SPOCK1: variants seen among roughly 807,000 people sequenced by gnomAD.
SPOCK1 encodes the protein SPARC (osteonectin), cwcv and kazal like domains proteoglycan 1, also known as testican-1.
Under a neutral mutation model 55.3 loss-of-function variants are expected in SPOCK1, and 23 were observed. That is an observed-to-expected ratio of 0.42 (90% confidence interval 0.30 to 0.59). The LOEUF (loss-of-function observed/expected upper bound fraction) is 0.59. SPOCK1 is among the 20% of genes least tolerant of loss of function. SPOCK1 has a pLI of 0.22. For synonymous variants in SPOCK1, 226 were observed against 221.0 expected, an observed-to-expected ratio of 1.02 and a Z score of -0.20; for missense variants, 499 against 552.5, an observed-to-expected ratio of 0.90 and a Z score of 0.97.
chr5:137,091,794 T>C (rs1753058733), intron 5 of SPOCK1, among the ~76,000 whole-genome samples: 1 of 152,164 alleles, frequency 6.6e-6, no homozygotes, highest in Non-Finnish European at 1.5e-5. Context: ...GGATGGTGAA[T>C]TGAAGTTTAT....
intron 9 of SPOCK1, among the ~76,000 whole-genome samples, chr5:136,983,994 A>C (rs1256521321): frequency 6.6e-6 from 1 of 152,250 alleles, no homozygotes; most frequent in Non-Finnish European, 1.5e-5. Context: ...CCTGCAGATC[A>C]TAGGTACGTC....
At chr5:137,416,986 A>G (rs946328872) in intron 2 of SPOCK1, among the ~76,000 whole-genome samples, 4 of 152,184 alleles carry the variant, frequency 2.6e-5, no homozygotes, top group Non-Finnish European at 5.9e-5. Flanking sequence ...TTGTCCTCTC[A>G]TTGTGAAGTT....
In SPOCK1 at chr5:137,127,408, C is replaced by T. The variant is rs1218312759; in HGVS notation, c.347+13172G>A. Among the ~76,000 whole-genome samples, 3 of 152,220 alleles carry T rather than the reference C, an allele frequency of 2.0e-5. No individual in the cohort carries two copies. In the South Asian group the frequency reaches 6.2e-4, roughly 32 times the overall value. ...AAGAACCAGAGACACTGTAGGGGGA[C>T]AGGGCTGCCTGGAGCCATCAGGGGC... On this transcript the variant is annotated intron_variant, in intron 4 of 10. Transcript: ENST00000394945.
At chr5:137,463,651 T>C (rs535722574) in intron 2 of SPOCK1, among the ~76,000 whole-genome samples, 16 of 152,186 alleles carry the variant, frequency 1.1e-4, no homozygotes, top group African/African-American at 3.9e-4. Context: ...ATTGTACATT[T>C]AAAAATAACT....
intron 6 of SPOCK1, among the ~76,000 whole-genome samples, chr5:137,024,316 G>GCGGGGC (rs72180461): frequency 1.2e-4 from 17 of 139,954 alleles, no homozygotes; most frequent in Non-Finnish European, 2.6e-4. Flanking sequence ...CAGTTTGAAG[G>GCGGGGC]GGGGGGGGTA....
At chr5:137,145,025 A>G (rs1212426004) in intron 3 of SPOCK1, among the ~76,000 whole-genome samples, 2 of 152,116 alleles carry the variant, frequency 1.3e-5, no homozygotes, top group Non-Finnish European at 2.9e-5. Context: ...CCCAAACAGG[A>G]CAGCATCCCT....
intron 4 of SPOCK1, among the ~76,000 whole-genome samples, chr5:137,127,796 G>T (rs368885825): frequency 6.6e-6 from 1 of 152,164 alleles, no homozygotes; most frequent in South Asian, 2.1e-4. Context: ...ATTTGCCTCA[G>T]GATGAACAGT....
At chr5:137,258,558 C>T (rs1277706818) in intron 3 of SPOCK1, among the ~76,000 whole-genome samples, 1 of 152,200 alleles carries the variant, frequency 6.6e-6, no homozygotes, top group African/African-American at 2.4e-5. Flanking sequence ...ATTCAGCTGA[C>T]ATTTTTTTCC....
chr5:137,353,744 C>T (rs1313860397), intron 2 of SPOCK1, among the ~76,000 whole-genome samples: 5 of 152,188 alleles, frequency 3.3e-5, no homozygotes, highest in Non-Finnish European at 7.4e-5. Flanking sequence ...AGCACACATT[C>T]ATGACCTAGA....
At chr5:137,428,405 G>A (rs1295777555) in intron 2 of SPOCK1, among the ~76,000 whole-genome samples, 1 of 152,152 alleles carries the variant, frequency 6.6e-6, no homozygotes, top group Non-Finnish European at 1.5e-5. Context: ...CCAACCAGGC[G>A]AGATGGCCAT....
intron 9 of SPOCK1, among the ~76,000 whole-genome samples, chr5:136,981,215 GT>G (rs1750724724): frequency 6.6e-6 from 1 of 152,142 alleles, no homozygotes; most frequent in African/African-American, 2.4e-5. Context: ...AGAACCACAA[GT>G]TTACAGTATT....
At chr5:137,158,139 T>G (rs1341345955) in intron 3 of SPOCK1, among the ~76,000 whole-genome samples, 1 of 152,130 alleles carries the variant, frequency 6.6e-6, no homozygotes, top group Non-Finnish European at 1.5e-5. Context: ...CAATCCCCAG[T>G]AAAAAGACAG....
intron 3 of SPOCK1, among the ~76,000 whole-genome samples, chr5:137,200,981 G>A (rs1482430130): frequency 1.3e-5 from 2 of 152,204 alleles, no homozygotes; most frequent in Non-Finnish European, 2.9e-5. Flanking sequence ...GCCCCACTCT[G>A]TTTTACAACA....
intron 2 of SPOCK1, among the ~76,000 whole-genome samples, chr5:137,299,827 C>G (rs1203783630): frequency 6.6e-6 from 1 of 152,056 alleles, no homozygotes; most frequent in Non-Finnish European, 1.5e-5. Context: ...TGCTTTAAAA[C>G]TTTCTCTTTC....
At chr5:137,332,734 C>T (rs1414495763) in intron 2 of SPOCK1, among the ~76,000 whole-genome samples, 1 of 151,978 alleles carries the variant, frequency 6.6e-6, no homozygotes, top group Non-Finnish European at 1.5e-5. Flanking sequence ...GTAGATACTA[C>T]ACTTGATCTT....
At chr5:137,073,340 A>G (rs1206231480) in intron 5 of SPOCK1, among the ~76,000 whole-genome samples, 1 of 152,236 alleles carries the variant, frequency 6.6e-6, no homozygotes, top group Non-Finnish European at 1.5e-5. Flanking sequence ...AATCTTCTGG[A>G]AAGATGACAT....
At chr5:137,188,696 T>C (rs1287405740) in intron 3 of SPOCK1, among the ~76,000 whole-genome samples, 1 of 152,236 alleles carries the variant, frequency 6.6e-6, no homozygotes, top group African/African-American at 2.4e-5. Flanking sequence ...CTGTAAGTGT[T>C]CAAGTGAAAG....
intron 6 of SPOCK1, among the ~76,000 whole-genome samples, chr5:137,017,448 C>A (rs1218478451): frequency 6.6e-6 from 1 of 152,138 alleles, no homozygotes; most frequent in Non-Finnish European, 1.5e-5. Context: ...ATTCTCAACA[C>A]CTAGCTATGT....
chr5:136,996,390 G>A (rs1379446701), intron 6 of SPOCK1, among the ~76,000 whole-genome samples: 1 of 152,182 alleles, frequency 6.6e-6, no homozygotes, highest in African/African-American at 2.4e-5. Context: ...GGAAAAGACG[G>A]TGCTTTCTTG....
Sources: gnomAD v4.1 joint callset for allele counts (sites outside exome capture counted in the v4.1 genomes callset) on GRCh38, gnomAD v4.1.1 for gene constraint, MANE v1.5 for transcripts, NCBI Gene and HGNC (gene_info 2026-07-23, HGNC 2026-07-21) for gene names.